CAST: variants seen among roughly 807,000 people sequenced by gnomAD.
The protein encoded by CAST is MIR583 host.
Under a neutral mutation model 119.6 loss-of-function variants are expected in CAST, and 76 were observed. That is an observed-to-expected ratio of 0.64 (90% CI 0.53 to 0.77). CAST has a LOEUF of 0.77. CAST is among the 30% of genes least tolerant of loss of function. The pLI is 0.00. For missense variants in CAST, 953 were observed against 946.5 expected (o/e 1.01, Z -0.09); for synonymous variants, 319 against 331.6 (o/e 0.96, Z 0.41).
chr5:96,319,249 G>A, the CAST span, among the ~76,000 whole-genome samples: 1 of 152,132 alleles, frequency 6.6e-6, no homozygotes, highest in African/African-American at 2.4e-5. Context: ...CATTCACAAG[G>A]AATCTGCCTC....
At chr5:96,464,326 A>C in the CAST span, among the ~76,000 whole-genome samples, 6 of 151,902 alleles carry the variant, frequency 3.9e-5, no homozygotes, top group African/African-American at 1.4e-4. Context: ...TCCTTTGTTC[A>C]GTCAAAAATG....
the CAST span, among the ~76,000 whole-genome samples, chr5:96,086,602 G>A: frequency 6.6e-6 from 1 of 152,116 alleles, no homozygotes; most frequent in Non-Finnish European, 1.5e-5. Context: ...GCATTATGAA[G>A]TTTGAGTTAA....
chr5:95,998,701 A>T, the CAST span, among the ~76,000 whole-genome samples: 1 of 152,194 alleles, frequency 6.6e-6, no homozygotes, highest in Non-Finnish European at 1.5e-5. Flanking sequence ...TATTGTGAAT[A>T]GTTCTGCAAT....
At chr5:96,553,356 C>G (rs1383098461) in intron 1 of CAST, among the ~76,000 whole-genome samples, 4 of 152,042 alleles carry the variant, frequency 2.6e-5, no homozygotes, top group Non-Finnish European at 5.9e-5. Context: ...TGACAAAATT[C>G]AACAGCCTTT....
chr5:96,282,914 G>C, the CAST span, among the ~76,000 whole-genome samples: 1 of 151,690 alleles, frequency 6.6e-6, no homozygotes, highest in Non-Finnish European at 1.5e-5. Context: ...CGGATCACGA[G>C]GTCAGGAGAT....
the CAST span, among the ~76,000 whole-genome samples, chr5:96,488,252 C>T: frequency 6.6e-6 from 1 of 152,088 alleles, no homozygotes; most frequent in East Asian, 1.9e-4. Flanking sequence ...AATTGTAGTC[C>T]CTTTTCCTGG....
At chr5:96,294,758 G>T in the CAST span, among the ~76,000 whole-genome samples, 4 of 152,226 alleles carry the variant, frequency 2.6e-5, 1 homozygote, top group Admixed American at 2.6e-4. Context: ...CCAGGCTTTG[G>T]AAAGGTCACT....
At chr5:96,672,008 G>A (rs1750137447) in intron 1 of CAST, among the ~76,000 whole-genome samples, 2 of 152,142 alleles carry the variant, frequency 1.3e-5, no homozygotes, top group Non-Finnish European at 2.9e-5. Context: ...AAATGATCAG[G>A]GCAATGGTTA....
the CAST span, among the ~76,000 whole-genome samples, chr5:96,237,468 C>T: frequency 2.6e-5 from 4 of 152,006 alleles, no homozygotes; most frequent in Non-Finnish European, 4.4e-5. Flanking sequence ...AAAAGTTGCA[C>T]GTTTTTCTAG....
chr5:96,441,704 G>C, the CAST span, among the ~76,000 whole-genome samples: 1 of 152,176 alleles, frequency 6.6e-6, no homozygotes, highest in African/African-American at 2.4e-5. Flanking sequence ...GCAGGCATTA[G>C]TACGTTTGAC....
chr5:96,242,066 T>G, the CAST span, among the ~76,000 whole-genome samples: 4 of 147,350 alleles, frequency 2.7e-5, no homozygotes, highest in African/African-American at 5.0e-5. Context: ...CTCTTTAGTT[T>G]AATTAGATCC....
At chr5:96,692,681 C>T (rs894742552) in intron 2 of CAST, among the ~76,000 whole-genome samples, 5 of 152,168 alleles carry the variant, frequency 3.3e-5, no homozygotes, top group Admixed American at 6.5e-5. Context: ...TCAAATGTCA[C>T]TTCCTCATCC....
chr5:96,033,145 T>C, the CAST span, among the ~76,000 whole-genome samples: 1 of 152,110 alleles, frequency 6.6e-6, no homozygotes, highest in Non-Finnish European at 1.5e-5. Flanking sequence ...CACTAAAAGT[T>C]ATAAAATATT....
At chr5:96,113,191 A>T in the CAST span, among the ~76,000 whole-genome samples, 1 of 152,310 alleles carries the variant, frequency 6.6e-6, no homozygotes, top group East Asian at 1.9e-4. Flanking sequence ...TAGAACTAAG[A>T]CTTCAGGGCA....
intron 25 of CAST, among the ~76,000 whole-genome samples, chr5:96,765,018 G>A (rs1235978346): frequency 6.6e-6 from 1 of 150,970 alleles, no homozygotes; most frequent in Admixed American, 6.6e-5. Context: ...CCCCAGTAGG[G>A]TGACAGATAC....
the CAST span, among the ~76,000 whole-genome samples, chr5:96,185,399 T>A: frequency 6.6e-6 from 1 of 152,240 alleles, no homozygotes; most frequent in Admixed American, 6.5e-5. Context: ...TTGCTTTTGC[T>A]GTTTTCGTTA....
the CAST span, among the ~76,000 whole-genome samples, chr5:96,166,979 C>T: frequency 9.2e-5 from 14 of 151,966 alleles, no homozygotes; most frequent in African/African-American, 3.4e-4. Context: ...AGAGATTAAG[C>T]TGAAGGAAGG....
chr5:96,476,525 A>G, the CAST span, among the ~76,000 whole-genome samples: 1 of 152,204 alleles, frequency 6.6e-6, no homozygotes, highest in Non-Finnish European at 1.5e-5. Context: ...GAACAGAACA[A>G]CATCACTCTT....
At chr5:96,111,028 A>T in the CAST span, 3 of 152,148 alleles carry the variant, frequency 2.0e-5, no homozygotes, top group African/African-American at 7.2e-5. Context: ...CCTACAGGTT[A>T]AGGGTTCAGT....
Sources: allele counts gnomAD v4.1 joint callset (sites outside exome capture counted in the v4.1 genomes callset), GRCh38; gene constraint gnomAD v4.1.1; transcripts MANE v1.5; gene names NCBI Gene and HGNC (gene_info 2026-07-23, HGNC 2026-07-21).